Variants in GATAD2B observed in about 807,000 individuals in gnomAD.
GATAD2B encodes the protein GATA zinc finger domain containing 2B.
In GATAD2B, 8 loss-of-function variants were observed where a neutral mutation model predicts 64.3. The observed-to-expected ratio is 0.12, with a 90% CI of 0.07 to 0.22. GATAD2B has a LOEUF of 0.22. Ranked by LOEUF, GATAD2B falls within the 10% of genes least tolerant of loss-of-function variation. The pLI, the probability that GATAD2B is intolerant of heterozygous loss-of-function variation, is 1.00. For synonymous variants in GATAD2B, 281 were observed against 271.3 expected (o/e 1.04, Z -0.35); for missense variants, 453 against 752.0 (o/e 0.60, Z 4.65).
intron 1 of GATAD2B, among the ~76,000 whole-genome samples, chr1:153,892,884 G>A (rs765748597): frequency 2.6e-5 from 4 of 151,882 alleles, no homozygotes; most frequent in South Asian, 2.1e-4. Flanking sequence ...TAGTAGAGAC[G>A]GGGTTTCACA....
intron 1 of GATAD2B, among the ~76,000 whole-genome samples, chr1:153,889,347 C>T (rs554147970): frequency 2.2e-5 from 3 of 137,476 alleles, no homozygotes; most frequent in East Asian, 2.3e-4. Context: ...AGGAGGCGGA[C>T]GTTCTGGTGA....
intron 1 of GATAD2B, among the ~76,000 whole-genome samples, chr1:153,872,093 G>A (rs766954885): frequency 1.4e-4 from 21 of 151,940 alleles, no homozygotes; most frequent in Admixed American, 4.6e-4. Context: ...TGCGGTAGGC[G>A]GATCACTTGA....
chr1:153,840,074 C>T (rs1675424078), intron 1 of GATAD2B, among the ~76,000 whole-genome samples: 1 of 143,378 alleles, frequency 7.0e-6, no homozygotes, highest in African/African-American at 2.6e-5. Context: ...CTCTTGTTGC[C>T]CAGGCTGGAG....
In GATAD2B at chr1:153,828,039, C is replaced by T. The variant is rs760277165; in HGVS notation, c.309G>A (p.Glu103=). The change falls in exon 2 of 11, where the codon GAG becomes GAA. Residue 103 remains glutamate, a synonymous_variant. Coordinates refer to ENST00000368655, the MANE Select transcript of GATAD2B (RefSeq NM_020699.4). ...TCCGTCTAGCACTCATATCCACAGG[C>T]TCATCATTGATGTTTTCTTTGCCTG... ...GRPGKENIND[E]PVDMSARRSE... The T allele has an allele frequency of 5.6e-6, 9 of 1,613,966 alleles. No homozygotes were observed. The highest frequency in any genetic ancestry group is 1.7e-5 in the Admixed American group (1 of 59,992).
At chr1:153,865,980 G>A (rs369214609) in intron 1 of GATAD2B, among the ~76,000 whole-genome samples, 19 of 152,180 alleles carry the variant, frequency 1.2e-4, no homozygotes, top group South Asian at 2.1e-4. Flanking sequence ...TGAGGCGGAC[G>A]GATCATCTGA....
Position 153,894,278 on chromosome 1 carries a change from G to T in GATAD2B, c.-2+28455C>A, listed in dbSNP as rs1677512736. ...AGGTCAGGAGTTCAAAACCAGCCTG[G>T]CCAACATGGTGAAACCTCGTCTCTA... On this transcript the variant is annotated intron_variant, in intron 1 of 10. Coordinates refer to ENST00000368655, the MANE Select transcript of GATAD2B (RefSeq NM_020699.4). 5.3e-5 allele frequency among the ~76,000 whole-genome samples: 8 copies of T among 152,086 alleles called. No homozygotes were observed. The South Asian group carries it at 1.7e-3, about 32-fold the overall frequency.
intron 1 of GATAD2B, among the ~76,000 whole-genome samples, chr1:153,857,291 C>T (rs941856050): frequency 6.6e-6 from 1 of 151,910 alleles, no homozygotes; most frequent in South Asian, 2.1e-4. Flanking sequence ...ACCAAAAATA[C>T]AAAATTTAGC....
chr1:153,882,937 A>G (rs999193814), intron 1 of GATAD2B, among the ~76,000 whole-genome samples: 2 of 152,188 alleles, frequency 1.3e-5, no homozygotes, highest in Non-Finnish European at 2.9e-5. Flanking sequence ...GAAGAAGGGC[A>G]ATGGTAATTG....
intron 1 of GATAD2B, chr1:153,890,884 T>G (rs115252381): frequency 6.6e-6 from 1 of 152,102 alleles, no homozygotes; most frequent in Non-Finnish European, 1.5e-5. Flanking sequence ...TGCAAAGTTT[T>G]TCTTTAATAA....
rs535410939 is a variant in GATAD2B, at chr1:153,816,846, G to A, written c.901-258C>T. ...CGCCTATAATCTCAGCACTTTGGGA[G>A]GCCGAGGTAGGCAGATCACTTGAGG... On this transcript the variant is annotated intron_variant, in intron 6 of 10. Transcript: ENST00000368655. This position sits in a 1 kb window ranked among gnomAD's most constrained non-coding sequence, Gnocchi z 4.9. Among the ~76,000 whole-genome samples the A allele has an allele frequency of 4.6e-5, 7 of 152,274 alleles. No individual in the cohort carries two copies. The highest frequency in any genetic ancestry group is 2.6e-4 in the Admixed American group (4 of 15,296).
At position 153,838,812 on chromosome 1, in the gene GATAD2B, T is replaced by C. The variant is rs1057442544; in HGVS notation, c.-1-10464A>G. On this transcript the variant is annotated intron_variant, in intron 1 of 10. Coordinates refer to ENST00000368655, the MANE Select transcript of GATAD2B (RefSeq NM_020699.4). ...ACTGAAATGTGAGGATGAAAAGCAG[T>C]ATATAAGAAGGCAGAGGCTGGACAC... 2.6e-5 allele frequency among the ~76,000 whole-genome samples: 4 copies of C among 152,016 alleles called. 1 individual carries two copies. The highest frequency in any genetic ancestry group is 2.6e-4 in the Admixed American group (4 of 15,246).
chr1:153,886,561 T>C (rs984296385), intron 1 of GATAD2B: 4 of 137,242 alleles, frequency 2.9e-5, no homozygotes, highest in African/African-American at 1.1e-4. Context: ...GGAGTCTCGC[T>C]CTGTCGCCCA....
At position 153,861,447 on chromosome 1, in the gene GATAD2B, A is replaced by G. The variant is rs1036829591; in HGVS notation, c.-1-33099T>C. 2.6e-5 allele frequency among the ~76,000 whole-genome samples: 4 copies of G among 151,614 alleles called. No individual in the cohort carries two copies. In the South Asian group the frequency reaches 6.3e-4, roughly 24 times the overall value. ...AGAAATATATACATAAAAAAAGAGG[A>G]AAAAAAGGTTCTCAGACATTTCAAA... On this transcript the variant is annotated intron_variant, in intron 1 of 10. Coordinates refer to ENST00000368655, the MANE Select transcript of GATAD2B (RefSeq NM_020699.4).
chr1:153,805,368 A>G lies in GATAD2B; in HGVS notation c.*4809T>C, dbSNP rs759273509. 6.6e-6 allele frequency: 1 copy of G among 152,184 alleles called. No homozygotes were observed. The highest frequency in any genetic ancestry group is 1.5e-5 in the Non-Finnish European group (1 of 68,034). 9.4% of individuals were successfully genotyped at this position (152,184 alleles called of 1,614,324 possible). Reference sequence around the variant, plus strand: ...TAGCTCACAAAGGGAGTAAATAACTAAAGCACCAACCTGGGGCATTCAATT... The same window carrying G: ...TAGCTCACAAAGGGAGTAAATAACTGAAGCACCAACCTGGGGCATTCAATT... On this transcript the variant is annotated 3_prime_UTR_variant, in exon 11 of 11. Coordinates refer to ENST00000368655, the MANE Select transcript of GATAD2B (RefSeq NM_020699.4).
chr1:153,811,638 T>C, intron 10 of GATAD2B, 93 bp downstream of exon 10: 1 of 798,132 alleles, frequency 1.3e-6, no homozygotes, highest in South Asian at 1.5e-5. Context: ...GAACAGAAAG[T>C]AAAGGAACAA....
At chr1:153,865,313 T>C (rs764172671) in intron 1 of GATAD2B, among the ~76,000 whole-genome samples, 9 of 151,190 alleles carry the variant, frequency 6.0e-5, no homozygotes, top group Admixed American at 4.6e-4. Context: ...ATACAAAAAT[T>C]TTCTGGACGT....
intron 1 of GATAD2B, among the ~76,000 whole-genome samples, chr1:153,912,316 T>C (rs1274779069): frequency 6.6e-6 from 1 of 152,194 alleles, no homozygotes; most frequent in African/African-American, 2.4e-5. Context: ...GCTAAGTTGG[T>C]TGACACAGCA....
chr1:153,848,462 C>T (rs2101907942), intron 1 of GATAD2B, among the ~76,000 whole-genome samples: 1 of 152,250 alleles, frequency 6.6e-6, no homozygotes, highest in East Asian at 1.9e-4. Context: ...ATCTCTGGGT[C>T]TTATTCTACA....
intron 1 of GATAD2B, among the ~76,000 whole-genome samples, chr1:153,853,819 T>C (rs1459384545): frequency 2.0e-5 from 3 of 152,218 alleles, no homozygotes; most frequent in East Asian, 1.9e-4. Context: ...GCTGTGGATA[T>C]CCACTTTTCC....
Sources: gnomAD v4.1 joint callset for allele counts (sites outside exome capture counted in the v4.1 genomes callset) on GRCh38, gnomAD v4.1.1 for gene constraint, Gnocchi (gnomAD v3.1) non-coding constraint, MANE v1.5 for transcripts, NCBI Gene and HGNC (gene_info 2026-07-23, HGNC 2026-07-21) for gene names.